The following SEMA3C variants were observed in gnomAD, a reference collection of about 807,000 sequenced individuals.
SEMA3C encodes the protein semaphorin 3C.
A neutral mutation model predicts 89.4 loss-of-function variants in SEMA3C; 47 were observed. The observed-to-expected ratio is 0.53, with a 90% CI of 0.42 to 0.67. The LOEUF (loss-of-function observed/expected upper bound fraction) is 0.67, where lower values mean the gene tolerates loss of function less well. SEMA3C is among the 30% of genes least tolerant of loss of function. The pLI is 0.00. For synonymous variants in SEMA3C, 310 were observed against 320.2 expected (o/e 0.97, Z 0.34); for missense variants, 839 against 929.1 (o/e 0.90, Z 1.26).
intron 12 of SEMA3C, among the ~76,000 whole-genome samples, chr7:80,784,259 C>T (rs769100522): frequency 3.4e-5 from 5 of 149,036 alleles, no homozygotes; most frequent in Non-Finnish European, 7.4e-5. Context: ...TTTTATAGCC[C>T]TTCCTCAAGA....
intron 2 of SEMA3C, among the ~76,000 whole-genome samples, chr7:80,884,589 G>C (rs888317650): frequency 2.6e-5 from 4 of 152,156 alleles, no homozygotes; most frequent in Non-Finnish European, 4.4e-5. Context: ...CAAGCAGAGG[G>C]AAACTTCAGC....
chr7:80,819,602 TAATC>T lies in SEMA3C; in HGVS notation c.328-1188_328-1185del, dbSNP rs529734562. Among the ~76,000 whole-genome samples the T allele has an allele frequency of 1.1e-4, 17 of 152,338 alleles. 2 individuals are homozygous for T. In the South Asian group the frequency reaches 3.5e-3, roughly 32 times the overall value. ...TGATTGCCTTCTATGAGGAATGACA[TAATC>T]AATCTCTTTGCCCTGGATCTCCTAA... On this transcript the variant is annotated intron_variant, in intron 4 of 17. Transcript: ENST00000265361.
At chr7:80,919,370 T>G (rs1584012341), upstream of SEMA3C, 2 of 985,336 alleles carry the variant, frequency 2.0e-6, no homozygotes, top group East Asian at 1.1e-4. Context: ...GTGAGCAACT[T>G]GCTGGGTGCG....
chr7:80,865,881 A>G (rs1790915619), intron 2 of SEMA3C, among the ~76,000 whole-genome samples: 1 of 152,182 alleles, frequency 6.6e-6, no homozygotes, highest in South Asian at 2.1e-4. Flanking sequence ...TGACCAGAAT[A>G]TTTTGTTTAT....
intron 2 of SEMA3C, among the ~76,000 whole-genome samples, chr7:80,866,728 A>T (rs186123007): frequency 1.2e-4 from 19 of 152,298 alleles, no homozygotes; most frequent in South Asian, 4.1e-4. Flanking sequence ...TAGTAATTTT[A>T]AAAAAATCAT....
At chr7:80,922,150 G>T, upstream of SEMA3C, 1 of 739,232 alleles carries the variant, frequency 1.4e-6, no homozygotes, top group Non-Finnish European at 1.9e-6. Flanking sequence ...ATGAGAGAAC[G>T]TTGAAGGTTT....
rs760834136 is a variant in SEMA3C, at chr7:80,751,266, T to A, written c.1711+3A>T. The stretch of plus-strand genomic sequence containing the variant: ...GAGATTGGCCATTGCTCACTTTTAA[T>A]ACCTTTTAGATTAAATCCTCTGCAT... On this transcript the variant is annotated splice_donor_region_variant and intron_variant, in intron 16 of 17. Transcript: ENST00000265361. 1.5e-5 allele frequency: 25 copies of A among 1,613,338 alleles called. 1 individual carries two copies. The Middle Eastern group carries it at 3.0e-3, about 191-fold the overall frequency.
rs1345467757 is a variant in SEMA3C, at chr7:80,804,164, AGTTTTTCTTTGAAGAAG to A, written c.726_742del (p.Phe243AspfsTer2). On this transcript the variant is annotated frameshift_variant, in exon 8 of 18. Coordinates refer to ENST00000265361, the MANE Select transcript of SEMA3C (RefSeq NM_006379.5). LOFTEE classifies it high-confidence loss of function. ...TTTCGTGCTCCTGTTATTGTCAGTC[AGTTTTTCTTTGAAGAAG>A]AAGTACACCTTAGCATCATTTGGAT... 1 of 1,613,148 alleles carries A rather than the reference AGTTTTTCTTTGAAGAAG, an allele frequency of 6.2e-7. No homozygotes were observed.
intron 10 of SEMA3C, among the ~76,000 whole-genome samples, chr7:80,798,888 T>C: frequency 6.6e-6 from 1 of 152,302 alleles, no homozygotes. Context: ...CTGAAATCAG[T>C]ATTTCTCTGA....
chr7:80,888,437 C>A (rs1199853675), intron 2 of SEMA3C, among the ~76,000 whole-genome samples: 2 of 151,906 alleles, frequency 1.3e-5, no homozygotes, highest in African/African-American at 2.4e-5. Context: ...GCATCCCAGT[C>A]TAGGTGATGG....
At chr7:80,854,718 C>T (rs74366282) in intron 2 of SEMA3C, among the ~76,000 whole-genome samples, 5,138 of 152,152 alleles carry the variant, frequency 0.034, 115 homozygotes, top group South Asian at 0.056. Context: ...TATCCAACAA[C>T]GAAATCCAGT....
At chr7:80,878,878 A>G (rs189957603) in intron 2 of SEMA3C, among the ~76,000 whole-genome samples, 107 of 152,292 alleles carry the variant, frequency 7.0e-4, no homozygotes, top group African/African-American at 2.4e-3. Context: ...CAAAAATATT[A>G]GAAAAAAAAG....
At chr7:80,884,609 A>G (rs575602153) in intron 2 of SEMA3C, among the ~76,000 whole-genome samples, 1 of 152,326 alleles carries the variant, frequency 6.6e-6, no homozygotes, top group East Asian at 1.9e-4. Flanking sequence ...CTTTTGAGGG[A>G]AAGTGTTGAT....
chr7:80,798,167 A>G lies in SEMA3C; in HGVS notation c.1056T>C (p.Pro352=). 6.2e-7 allele frequency: 1 copy of G among 1,607,374 alleles called. No individual in the cohort carries two copies. The highest frequency in any genetic ancestry group is 1.7e-5 in the Admixed American group (1 of 58,912). Residue 352 remains proline, a synonymous_variant, in exon 11 of 18, where the codon CCT becomes CCC. Transcript: ENST00000265361. ...GATTGGGCCCTTCTTTGTGGGCAAA[A>G]GGCCCATTAAACACAGTCTGTATAT... ...LSDIQTVFNG[P]FAHKEGPNHQ...
Position 80,840,512 on chromosome 7 carries a change from C to T in SEMA3C, c.104-11767G>A, listed in dbSNP as rs1166455218. Among the ~76,000 whole-genome samples, 3 of 115,994 alleles carry T rather than the reference C, an allele frequency of 2.6e-5. No homozygotes were observed. In the Admixed American group the frequency reaches 3.2e-4, roughly 12 times the overall value. The allele number at this position is 115,994 out of a possible 152,430, so 76.1% of individuals were successfully genotyped here. On this transcript the variant is annotated intron_variant, in intron 2 of 17. Transcript: ENST00000265361. ...CCAGCCTAGGTGACAGAGCACCTGT[C>T]TCCAGGAAAAAAAAAAAAAAAAAAA...
chr7:80,745,023 G>GC lies in SEMA3C; in HGVS notation c.2126dup (p.Cys709TrpfsTer13). ...GCTGATGTTGCTGCCGAGTGTCTTT[G>GC]CAATATTGGTTAATCATCTGCATTT... On this transcript the variant is annotated frameshift_variant, in exon 18 of 18. Coordinates refer to ENST00000265361, the MANE Select transcript of SEMA3C (RefSeq NM_006379.5). LOFTEE classifies it high-confidence loss of function. 1 of 1,614,002 alleles carries GC rather than the reference G, an allele frequency of 6.2e-7. No individual in the cohort carries two copies. Among genetic ancestry groups the GC allele is most frequent in the Non-Finnish European group, 8.5e-7 (1 of 1,179,988 alleles).
At chr7:80,870,980 T>C (rs1447604248) in intron 2 of SEMA3C, among the ~76,000 whole-genome samples, 2 of 152,194 alleles carry the variant, frequency 1.3e-5, no homozygotes, top group Admixed American at 6.5e-5. Flanking sequence ...ACCTTAATAC[T>C]GGCCCTCTGA....
At position 80,805,527 on chromosome 7, in the gene SEMA3C, T is replaced by G. The variant is rs1038000141; in HGVS notation, c.658+112A>C. 8.5e-6 allele frequency: 7 copies of G among 824,524 alleles called. No homozygotes were observed. In the African/African-American group the frequency reaches 1.2e-4, roughly 14 times the overall value. 51.1% of individuals were successfully genotyped at this position (824,524 alleles called of 1,614,324 possible). On this transcript the variant is annotated intron_variant, in intron 7 of 17. Transcript: ENST00000265361. ...TAGGGTACAGAATTACCATTATTCA[T>G]GTAATAGCCTGCTATTTTAGTTTTT... is the stretch of plus-strand genomic sequence containing the variant.
intron 12 of SEMA3C, 30 bp downstream of exon 12, chr7:80,789,276 T>C: frequency 6.4e-7 from 1 of 1,568,322 alleles, no homozygotes; most frequent in East Asian, 2.2e-5. Context: ...TTACTACACA[T>C]TAAAGCATAT....
Sources: allele counts gnomAD v4.1 joint callset (sites outside exome capture counted in the v4.1 genomes callset), GRCh38; gene constraint gnomAD v4.1.1; transcripts MANE v1.5; gene names NCBI Gene and HGNC (gene_info 2026-07-23, HGNC 2026-07-21).